The following SLC30A7 variants were observed in gnomAD, a reference collection of about 807,000 sequenced individuals.
SLC30A7 encodes the protein zinc transporter 7.
In SLC30A7, 35 loss-of-function variants were observed where a neutral mutation model predicts 46.0. The observed-to-expected ratio is 0.76, with a 90% confidence interval of 0.58 to 1.01. SLC30A7 has a LOEUF of 1.01. Ranked by LOEUF, SLC30A7 falls within the 50% of genes least tolerant of loss-of-function variation. SLC30A7 has a pLI of 0.00. For missense variants in SLC30A7, 464 were observed against 451.1 expected (o/e 1.03, Z -0.26); for synonymous variants, 147 against 157.8 (o/e 0.93, Z 0.51).
intron 6 of SLC30A7, 59 bp downstream of exon 6, chr1:100,913,865 A>C: frequency 6.4e-7 from 1 of 1,564,904 alleles, no homozygotes; most frequent in Non-Finnish European, 8.7e-7. Context: ...TTTGTGGATT[A>C]CTTTTCCTAG....
At chr1:100,952,765 T>C (rs1396551623) in intron 8 of SLC30A7, among the ~76,000 whole-genome samples, 2 of 152,206 alleles carry the variant, frequency 1.3e-5, no homozygotes, top group African/African-American at 2.4e-5. Context: ...AAGATGCCCT[T>C]TTCTCCTTTT....
At chr1:100,990,205 C>T in the SLC30A7 span, 1 of 573,604 alleles carries the variant, frequency 1.7e-6, no homozygotes, top group Non-Finnish European at 3.1e-6. Flanking sequence ...ATGCCAGGCA[C>T]TTATAAAACC....
At chr1:100,985,870 AG>A (rs1657237131), downstream of SLC30A7, among the ~76,000 whole-genome samples, 1 of 152,268 alleles carries the variant, frequency 6.6e-6, no homozygotes, top group African/African-American at 2.4e-5. Context: ...AAAATGGTTA[AG>A]GGAATGAAAG....
chr1:100,956,977 T>A (rs1655256136), intron 8 of SLC30A7, among the ~76,000 whole-genome samples: 1 of 152,246 alleles, frequency 6.6e-6, no homozygotes, highest in African/African-American at 2.4e-5. Context: ...TTATTAAAAA[T>A]AAAGTTATGA....
intron 8 of SLC30A7, among the ~76,000 whole-genome samples, chr1:100,961,297 G>A (rs1655537185): frequency 6.6e-6 from 1 of 152,082 alleles, no homozygotes; most frequent in African/African-American, 2.4e-5. Context: ...ATAGCCTAAA[G>A]CAGTAGTTTC....
intron 8 of SLC30A7, among the ~76,000 whole-genome samples, chr1:100,932,213 G>A (rs762410043): frequency 1.7e-3 from 254 of 152,098 alleles, no homozygotes; most frequent in Non-Finnish European, 2.9e-3. Context: ...TCACGAGTTT[G>A]AGACCAACCT....
At chr1:100,912,322 A>C in intron 5 of SLC30A7, 84 bp downstream of exon 5, 1 of 1,449,406 alleles carries the variant, frequency 6.9e-7, no homozygotes, top group Non-Finnish European at 9.5e-7. Flanking sequence ...AAGTTAAACT[A>C]TACTGATTTC....
rs548104195 is a variant in SLC30A7 at position 100,960,931 on chromosome 1, A to G, written c.843-897A>G. On this transcript the variant is annotated intron_variant, in intron 8 of 10. Coordinates refer to ENST00000357650, the MANE Select transcript of SLC30A7 (RefSeq NM_133496.5). ...TTAGAGTCACCCTCACCATTCTACT[A>G]TTAATTGTTTTGTGTGTTTTTTTTT... Among the ~76,000 whole-genome samples, 6 of 145,190 alleles carry G rather than the reference A, an allele frequency of 4.1e-5. No homozygotes were observed. In the South Asian group the frequency reaches 6.6e-4, roughly 16 times the overall value.
In SLC30A7 at chr1:100,919,032, T is replaced by C. The variant is rs76494554; in HGVS notation, c.706+905T>C. On this transcript the variant is annotated intron_variant, in intron 7 of 10. Transcript: ENST00000357650. ...TATGTTTGCTTTTACAGGATTATTATGTAGTTTTTCCAAGAATAATATTTA... is the reference window on the plus strand; with the variant it reads ...TATGTTTGCTTTTACAGGATTATTACGTAGTTTTTCCAAGAATAATATTTA... Among the ~76,000 whole-genome samples, 1,029 of 152,336 alleles carry C rather than the reference T, an allele frequency of 6.8e-3. 18 individuals are homozygous for C. Among genetic ancestry groups the C allele is most frequent in the African/African-American group, 0.022 (898 of 41,590 alleles).
chr1:100,931,912 T>C (rs1352593195), intron 8 of SLC30A7, among the ~76,000 whole-genome samples: 2 of 152,214 alleles, frequency 1.3e-5, no homozygotes, highest in African/African-American at 4.8e-5. Context: ...AGAAGAGCTG[T>C]GTACAAACAC....
intron 8 of SLC30A7, among the ~76,000 whole-genome samples, chr1:100,950,234 A>G (rs1382276521): frequency 6.6e-6 from 1 of 152,260 alleles, no homozygotes; most frequent in Non-Finnish European, 1.5e-5. Flanking sequence ...CTTTGGAAAC[A>G]TGAATTCCAG....
Position 100,980,038 on chromosome 1 carries a change from C to G in SLC30A7, c.*5181C>G, listed in dbSNP as rs950903417. The G allele has an allele frequency of 3.9e-5, 6 of 152,088 alleles. No homozygotes were observed. The highest frequency in any genetic ancestry group is 1.4e-4 in the African/African-American group (6 of 41,442). The allele number at this position is 152,088 out of a possible 1,614,324, so 9.4% of individuals were successfully genotyped here. A position where few individuals can be genotyped will look rare whatever the true frequency, so the allele number is the denominator to read the frequency against. Reference sequence around the variant, plus strand: ...ATTATTTCCTACCTTTACCATTGATCTTAAACTGTGCAGGCTAAAAAGAGG... The same window carrying G: ...ATTATTTCCTACCTTTACCATTGATGTTAAACTGTGCAGGCTAAAAAGAGG... On this transcript the variant is annotated 3_prime_UTR_variant, in exon 11 of 11. Transcript: ENST00000357650.
At chr1:100,954,733 G>T (rs998832263) in intron 8 of SLC30A7, among the ~76,000 whole-genome samples, 6 of 151,886 alleles carry the variant, frequency 4.0e-5, no homozygotes, top group African/African-American at 1.5e-4. Context: ...TAAGATTTTT[G>T]GTTATCTATT....
chr1:100,994,448 CATT>C, the SLC30A7 span, among the ~76,000 whole-genome samples: 1 of 151,924 alleles, frequency 6.6e-6, no homozygotes, highest in African/African-American at 2.4e-5. Flanking sequence ...TTAGTACTAT[CATT>C]ATACATCTGA....
At chr1:100,966,912 C>T (rs917984445) in intron 10 of SLC30A7, among the ~76,000 whole-genome samples, 11 of 152,118 alleles carry the variant, frequency 7.2e-5, no homozygotes, top group Admixed American at 2.6e-4. Flanking sequence ...CCTTTATATG[C>T]TGTTGAGTTT....
chr1:100,945,927 T>C (rs1654609801), intron 8 of SLC30A7, among the ~76,000 whole-genome samples: 1 of 152,210 alleles, frequency 6.6e-6, no homozygotes. Context: ...AAGCATGAAA[T>C]GTTCTTCTAT....
intron 8 of SLC30A7, among the ~76,000 whole-genome samples, chr1:100,960,986 G>A (rs1173216971): frequency 8.0e-5 from 10 of 124,738 alleles, no homozygotes; most frequent in Non-Finnish European, 3.2e-5. Flanking sequence ...GGAGAGTCTC[G>A]CTCTGTCACC....
intron 2 of SLC30A7, among the ~76,000 whole-genome samples, chr1:100,903,658 T>C (rs1651454424): frequency 6.6e-6 from 1 of 152,164 alleles, no homozygotes; most frequent in African/African-American, 2.4e-5. Context: ...TAAATAAGGT[T>C]CATGATAAAA....
At chr1:100,992,505 A>C in the SLC30A7 span, 1 of 589,754 alleles carries the variant, frequency 1.7e-6, no homozygotes, top group Non-Finnish European at 2.7e-6. Flanking sequence ...AGTTGGACAA[A>C]AATGACAAGA....
Sources: gnomAD v4.1 joint callset for allele counts (sites outside exome capture counted in the v4.1 genomes callset) on GRCh38, gnomAD v4.1.1 for gene constraint, MANE v1.5 for transcripts, NCBI Gene and HGNC (gene_info 2026-07-23, HGNC 2026-07-21) for gene names.